Variants in ATP6V1C2 observed in about 807,000 individuals in gnomAD.
ATP6V1C2 encodes the protein V-type proton ATPase subunit C 2.
A neutral mutation model predicts 56.8 loss-of-function variants in ATP6V1C2; 45 were observed. The observed-to-expected ratio is 0.79, with a 90% CI of 0.62 to 1.02. The LOEUF is 1.02. Among genes scored for constraint, ATP6V1C2 ranks in the 50% least tolerant of loss-of-function variants. ATP6V1C2 has a pLI of 0.00. For synonymous variants in ATP6V1C2, 220 were observed against 201.3 expected (o/e 1.09, Z -0.79); for missense variants, 463 against 519.7 (o/e 0.89, Z 1.06).
intron 4 of ATP6V1C2, among the ~76,000 whole-genome samples, chr2:10,754,671 C>T (rs1663425053): frequency 6.6e-6 from 1 of 151,988 alleles, no homozygotes. Context: ...CTTCTGGGTT[C>T]ACGCCATTCT....
intron 3 of ATP6V1C2, among the ~76,000 whole-genome samples, chr2:10,735,170 T>A (rs1662182632): frequency 6.6e-6 from 1 of 152,218 alleles, no homozygotes; most frequent in Admixed American, 6.6e-5. Context: ...TTAAATGTGG[T>A]GACTAGACCT....
chr2:10,725,195 C>G (rs1423360357), intron 2 of ATP6V1C2, among the ~76,000 whole-genome samples: 1 of 151,888 alleles, frequency 6.6e-6, no homozygotes, highest in Non-Finnish European at 1.5e-5. Flanking sequence ...GGGAAGATCA[C>G]TTGAGGTCAG....
chr2:10,733,866 G>A (rs1441971308), intron 3 of ATP6V1C2, among the ~76,000 whole-genome samples: 2 of 71,596 alleles, frequency 2.8e-5, no homozygotes, highest in African/African-American at 1.0e-4. Context: ...CTATGGAATA[G>A]CTGCTGGCTT....
At chr2:10,777,253 G>A (rs1418151517) in intron 10 of ATP6V1C2, among the ~76,000 whole-genome samples, 6 of 152,200 alleles carry the variant, frequency 3.9e-5, no homozygotes, top group Non-Finnish European at 2.9e-5. Flanking sequence ...TTCCACTAAC[G>A]CCTCCCGGTG....
At chr2:10,774,741 A>T (rs56195743) in intron 8 of ATP6V1C2, 47 bp from the exon 9 acceptor site, 277,649 of 1,566,256 alleles carry the variant, frequency 0.18, 26,964 homozygotes, top group Non-Finnish European at 0.2. Context: ...CCACTCCCGC[A>T]CAAGGCCTAG....
chr2:10,782,107 T>C lies in ATP6V1C2; in HGVS notation c.1062-136T>C, dbSNP rs1665397804. 8 of 1,041,444 alleles carry C rather than the reference T, an allele frequency of 7.7e-6. 1 individual carries two copies. Among genetic ancestry groups the C allele is most frequent in the Non-Finnish European group, 1.1e-5 (8 of 712,342 alleles). 64.5% of individuals were successfully genotyped at this position (1,041,444 alleles called of 1,614,324 possible). A position where few individuals can be genotyped will look rare whatever the true frequency, so the allele number is the denominator to read the frequency against. ...AGAGATCACCGCTGACCCTAGGCAT[T>C]TTGCTCGAGTTTGACTTTATGAAGC... On this transcript the variant is annotated intron_variant, in intron 12 of 13. Transcript: ENST00000272238.
chr2:10,745,173 A>G (rs1310402312), intron 3 of ATP6V1C2, among the ~76,000 whole-genome samples: 1 of 141,528 alleles, frequency 7.1e-6, no homozygotes, highest in Admixed American at 7.4e-5. Flanking sequence ...CCTCCCGAGT[A>G]TCTGGATGCC....
chr2:10,763,322 G>C lies in ATP6V1C2; in HGVS notation c.284-1009G>C, dbSNP rs938953032. On this transcript the variant is annotated intron_variant, in intron 4 of 13. Transcript: ENST00000272238. The surrounding 1 kb of genome is among the most constrained non-coding windows in gnomAD (Gnocchi z 4.2). ...TGTCTGTGTCCCAGTGAAGGGACAC[G>C]ATCCTCCCTAGGAGGAGCCGGCGCC... is the stretch of plus-strand genomic sequence containing the variant. Among the ~76,000 whole-genome samples the C allele has an allele frequency of 6.6e-6, 1 of 152,046 alleles. No individual in the cohort carries two copies. Among genetic ancestry groups the C allele is most frequent in the Non-Finnish European group, 1.5e-5 (1 of 67,996 alleles).
chr2:10,780,946 C>A lies in ATP6V1C2; in HGVS notation c.1062-1297C>A, dbSNP rs538729293. ...TTTTAGTAGCGACGGGGTTTCACCA[C>A]GTTGGCCAGGCTGGTCTTGAACTCC... On this transcript the variant is annotated intron_variant, in intron 12 of 13. Coordinates refer to ENST00000272238, the MANE Select transcript of ATP6V1C2 (RefSeq NM_001039362.2). The surrounding 1 kb of genome is among the most constrained non-coding windows in gnomAD (Gnocchi z 4.1). Among the ~76,000 whole-genome samples the A allele has an allele frequency of 6.6e-5, 10 of 152,050 alleles. No individual in the cohort carries two copies. Among genetic ancestry groups the A allele is most frequent in the Non-Finnish European group, 1.5e-4 (10 of 67,998 alleles).
chr2:10,781,129 G>C (rs1665322345), intron 12 of ATP6V1C2, among the ~76,000 whole-genome samples: 1 of 152,148 alleles, frequency 6.6e-6, no homozygotes, highest in South Asian at 2.1e-4. Context: ...GAAGAACTCA[G>C]AGGCTGAGGA....
At chr2:10,776,420 T>C (rs942254932) in intron 10 of ATP6V1C2, among the ~76,000 whole-genome samples, 1 of 152,070 alleles carries the variant, frequency 6.6e-6, no homozygotes, top group African/African-American at 2.4e-5. Context: ...GGAGCCGAGC[T>C]GGAGCTGGGG....
chr2:10,768,910 T>A, intron 6 of ATP6V1C2, 100 bp downstream of exon 6: 2 of 903,574 alleles, frequency 2.2e-6, no homozygotes, highest in Non-Finnish European at 3.5e-6. Context: ...TCTGTGCCCA[T>A]GCATGAGAGT....
chr2:10,730,329 T>G (rs527391136), intron 3 of ATP6V1C2, among the ~76,000 whole-genome samples: 1 of 152,258 alleles, frequency 6.6e-6, no homozygotes, highest in East Asian at 1.9e-4. Flanking sequence ...TTGGGCAGGC[T>G]GGTCTCGAAC....
In ATP6V1C2 at chr2:10,753,981, C is replaced by T. The variant is rs554665413; in HGVS notation, c.198C>T (p.Ser66=). 2.7e-5 allele frequency: 44 copies of T among 1,602,366 alleles called. No individual in the cohort carries two copies. The South Asian group carries it at 4.9e-4, about 18-fold the overall frequency. The change falls in exon 4 of 14, where the codon AGC becomes AGT. Residue 66 remains serine, a splice_region_variant and synonymous_variant. Transcript: ENST00000272238. ...GGCTCTTTTTCTTCTCTCTCCAAAG[C>T]CTCATAAGGAGAATGGCTCAGAGCG... The part of the protein sequence containing the change: ...ELGKLDTFAE[S]LIRRMAQSVV...
chr2:10,779,039 C>T (rs1460783719), intron 12 of ATP6V1C2, among the ~76,000 whole-genome samples: 3 of 152,274 alleles, frequency 2.0e-5, no homozygotes, highest in Middle Eastern at 6.8e-3. Flanking sequence ...GCCTGGAAGC[C>T]GCACCCCTCA....
In ATP6V1C2 at chr2:10,742,844, T is replaced by C. The variant is rs1449921691; in HGVS notation, c.198-11137T>C. On this transcript the variant is annotated intron_variant, in intron 3 of 13. Coordinates refer to ENST00000272238, the MANE Select transcript of ATP6V1C2 (RefSeq NM_001039362.2). The stretch of plus-strand genomic sequence containing the variant: ...CGGTACAGACCTGCCACAGGCAGAT[T>C]TGTGAAGCTCCTGGGCGGCCCCTTC... Among the ~76,000 whole-genome samples the C allele has an allele frequency of 4.6e-5, 7 of 152,256 alleles. No individual in the cohort carries two copies. In the East Asian group the frequency reaches 1.4e-3, roughly 29 times the overall value.
In ATP6V1C2 at chr2:10,776,781, T is replaced by A. The variant is rs531448258; in HGVS notation, c.826-804T>A. ...CCTGCCAGACCCCCGGGGAACAGGG[T>A]GACACACAGGAGCCTGCCGCCTGCC... On this transcript the variant is annotated intron_variant, in intron 10 of 13. Coordinates refer to ENST00000272238, the MANE Select transcript of ATP6V1C2 (RefSeq NM_001039362.2). Among the ~76,000 whole-genome samples, 25 of 152,168 alleles carry A rather than the reference T, an allele frequency of 1.6e-4. 1 individual carries two copies. The highest frequency in any genetic ancestry group is 3.3e-4 in the Admixed American group (5 of 15,300).
intron 3 of ATP6V1C2, among the ~76,000 whole-genome samples, chr2:10,734,533 G>A (rs1335939002): frequency 6.6e-6 from 1 of 152,180 alleles, no homozygotes; most frequent in Non-Finnish European, 1.5e-5. Context: ...GGTTATAAGA[G>A]CTGGGCAGCC....
intron 3 of ATP6V1C2, among the ~76,000 whole-genome samples, chr2:10,727,969 C>T (rs569363486): frequency 6.6e-6 from 1 of 152,274 alleles, no homozygotes; most frequent in East Asian, 1.9e-4. Context: ...CTCCATTGCC[C>T]CTCTTTTAAG....
Sources: allele counts gnomAD v4.1 joint callset (sites outside exome capture counted in the v4.1 genomes callset), GRCh38; gene constraint gnomAD v4.1.1; non-coding constraint Gnocchi (gnomAD v3.1); transcripts MANE v1.5; gene names NCBI Gene and HGNC (gene_info 2026-07-23, HGNC 2026-07-21).